Variants in PTPRD observed in about 807,000 individuals in gnomAD.
The protein encoded by PTPRD is protein tyrosine phosphatase receptor type D, also known as receptor-type tyrosine-protein phosphatase delta.
In PTPRD, 34 loss-of-function variants were observed where a neutral mutation model predicts 214.5. The ratio of observed to expected loss-of-function variants is 0.16; its 90% CI spans 0.12 to 0.21. The LOEUF is 0.21. PTPRD is among the 10% of genes least tolerant of loss of function. PTPRD has a pLI of 1.00. For synonymous variants in PTPRD, 1,128 were observed against 845.7 expected (o/e 1.33, Z -5.79); for missense variants, 2,545 against 2,398.7 (o/e 1.06, Z -1.27).
chr9:9,454,588 A>G (rs1431122717), intron 8 of PTPRD, among the ~76,000 whole-genome samples: 1 of 151,782 alleles, frequency 6.6e-6, no homozygotes. Flanking sequence ...TTAGAATTGC[A>G]AAAGGTTTTG....
chr9:8,535,265 T>C (rs568988536), intron 14 of PTPRD, among the ~76,000 whole-genome samples: 219 of 151,972 alleles, frequency 1.4e-3, no homozygotes, highest in African/African-American at 3.8e-3. Flanking sequence ...ATCAAACAAG[T>C]AGTGCAGCAA....
At chr9:8,737,696 G>A (rs2090807352) in intron 11 of PTPRD, among the ~76,000 whole-genome samples, 2 of 152,078 alleles carry the variant, frequency 1.3e-5, no homozygotes, top group South Asian at 4.1e-4. Flanking sequence ...TGTCAAGCAG[G>A]CTGGAGTGCA....
chr9:8,895,411 G>C (rs72704370), intron 11 of PTPRD, among the ~76,000 whole-genome samples: 16,320 of 152,128 alleles, frequency 0.11, 1,167 homozygotes, highest in East Asian at 0.22. Flanking sequence ...AAGAGACTGA[G>C]AGTTTTACTT....
chr9:8,839,300 TTTTATTTATTTATTTA>T lies in PTPRD; in HGVS notation c.-103-105370_-103-105355del, dbSNP rs3046017. Among the ~76,000 whole-genome samples, 29 of 150,430 alleles carry T rather than the reference TTTTATTTATTTATTTA, an allele frequency of 1.9e-4. No homozygotes were observed. The East Asian group carries it at 2.2e-3, about 11-fold the overall frequency. On this transcript the variant is annotated intron_variant, in intron 11 of 45. Transcript: ENST00000381196. ...ATAATTTTCAGATTGACCAAGGGGA[TTTTATTTATTTATTTA>T]TTTATTTATTTATTTATTTATTTAT...
At chr9:10,130,115 T>C (rs576938031) in intron 3 of PTPRD, among the ~76,000 whole-genome samples, 1 of 152,106 alleles carries the variant, frequency 6.6e-6, no homozygotes, top group Admixed American at 6.6e-5. Flanking sequence ...ATTCCTCTTG[T>C]ATAAATGTAA....
chr9:9,721,183 A>G (rs898755507), intron 7 of PTPRD, among the ~76,000 whole-genome samples: 35 of 152,188 alleles, frequency 2.3e-4, no homozygotes, highest in African/African-American at 8.4e-4. Context: ...TCTTTTAAAA[A>G]GAGTATAGAA....
intron 2 of PTPRD, among the ~76,000 whole-genome samples, chr9:10,568,525 C>G (rs2066405826): frequency 6.6e-6 from 1 of 152,006 alleles, no homozygotes; most frequent in South Asian, 2.1e-4. Flanking sequence ...AGTTCTAGAT[C>G]CCCGAGGAAT....
intron 2 of PTPRD, among the ~76,000 whole-genome samples, chr9:10,420,667 A>C (rs1201721842): frequency 6.6e-6 from 1 of 151,824 alleles, no homozygotes; most frequent in Non-Finnish European, 1.5e-5. Flanking sequence ...TGAACTCCTA[A>C]TCCTTATCCT....
intron 5 of PTPRD, among the ~76,000 whole-genome samples, chr9:9,909,911 T>A (rs894075693): frequency 2.0e-5 from 3 of 151,984 alleles, no homozygotes; most frequent in Non-Finnish European, 4.4e-5. Context: ...GTAATACATA[T>A]TCTTTGTAAT....
At chr9:8,407,631 C>A (rs1011012557) in intron 35 of PTPRD, among the ~76,000 whole-genome samples, 1 of 152,172 alleles carries the variant, frequency 6.6e-6, no homozygotes, top group Non-Finnish European at 1.5e-5. Context: ...ATATTTCTTC[C>A]CAACTTATCA....
chr9:9,585,424 T>A (rs868396866), intron 7 of PTPRD, among the ~76,000 whole-genome samples: 16 of 152,268 alleles, frequency 1.1e-4, no homozygotes, highest in African/African-American at 3.8e-4. Flanking sequence ...TTAGTATTTC[T>A]AGACCTGAAT....
At chr9:8,732,117 A>C (rs1369833426) in intron 12 of PTPRD, among the ~76,000 whole-genome samples, 1 of 152,252 alleles carries the variant, frequency 6.6e-6, no homozygotes, top group Non-Finnish European at 1.5e-5. Flanking sequence ...GAAAACCAGT[A>C]AGATGACGGT....
chr9:8,406,674 A>G (rs889523222), intron 35 of PTPRD, among the ~76,000 whole-genome samples: 1 of 152,234 alleles, frequency 6.6e-6, no homozygotes, highest in African/African-American at 2.4e-5. Flanking sequence ...AAAAGTTCAT[A>G]AAGAGAAATC....
chr9:8,523,125 T>C (rs1371250510), intron 19 of PTPRD, among the ~76,000 whole-genome samples: 2 of 151,612 alleles, frequency 1.3e-5, no homozygotes, highest in East Asian at 1.9e-4. Context: ...TGGAGGAGAG[T>C]TTAGTCTTCA....
At chr9:10,105,318 A>G (rs1278255648) in intron 3 of PTPRD, among the ~76,000 whole-genome samples, 1 of 151,870 alleles carries the variant, frequency 6.6e-6, no homozygotes, top group Non-Finnish European at 1.5e-5. Context: ...GTAATTGTCT[A>G]ACCACCTAGT....
chr9:10,254,724 C>T lies in PTPRD; in HGVS notation c.-545+86239G>A, dbSNP rs568139586. On this transcript the variant is annotated intron_variant, in intron 3 of 45. Transcript: ENST00000381196. ...TGAGATTAGAGGATATCCTTCTAAA[C>T]ACATACCCTGACATGATTTTCTGTC... Among the ~76,000 whole-genome samples the T allele has an allele frequency of 3.5e-4, 54 of 152,266 alleles. 1 individual carries two copies. In the South Asian group the frequency reaches 0.011, roughly 30 times the overall value.
chr9:9,311,130 G>C (rs893400190), intron 9 of PTPRD, among the ~76,000 whole-genome samples: 1 of 151,878 alleles, frequency 6.6e-6, no homozygotes, highest in Non-Finnish European at 1.5e-5. Flanking sequence ...GCAATTACTA[G>C]AATTTATTGT....
intron 36 of PTPRD, among the ~76,000 whole-genome samples, chr9:8,399,783 CA>C (rs2092048956): frequency 6.6e-6 from 1 of 152,152 alleles, no homozygotes; most frequent in African/African-American, 2.4e-5. Flanking sequence ...ATTATGATTT[CA>C]AAAGCCGCTC....
intron 3 of PTPRD, among the ~76,000 whole-genome samples, chr9:10,217,021 G>T (rs946812920): frequency 2.0e-5 from 3 of 151,798 alleles, no homozygotes; most frequent in Non-Finnish European, 4.4e-5. Flanking sequence ...CTATAATCCT[G>T]CAATTAGGAC....
Sources: allele counts gnomAD v4.1 joint callset (sites outside exome capture counted in the v4.1 genomes callset), GRCh38; gene constraint gnomAD v4.1.1; transcripts MANE v1.5; gene names NCBI Gene and HGNC (gene_info 2026-07-23, HGNC 2026-07-21).